TEX11: variants seen among roughly 807,000 people sequenced by gnomAD.
TEX11 encodes testis-expressed protein 11.
In TEX11, 7 loss-of-function variants were observed where a neutral mutation model predicts 84.4. The observed-to-expected ratio is 0.08, with a 90% CI of 0.05 to 0.16. The LOEUF is 0.16. Ranked by LOEUF, TEX11 falls within the 10% of genes least tolerant of loss-of-function variation. The pLI is 1.00. For synonymous variants in TEX11, 264 were observed against 222.8 expected (o/e 1.18, Z -1.64); for missense variants, 551 against 660.5 (o/e 0.83, Z 1.82).
intron 8 of TEX11, among the ~76,000 whole-genome samples, chrX:70,820,337 G>C (rs1052498671): frequency 2.7e-5 from 3 of 112,132 alleles, no homozygotes; most frequent in African/African-American, 9.7e-5. Context: ...TCTTCAGTCA[G>C]TGTTGATGGA....
At chrX:70,908,476 G>A (rs2091846464) in intron 1 of TEX11, among the ~76,000 whole-genome samples, 178 bp downstream of exon 1, 2 of 112,296 alleles carry the variant, frequency 1.8e-5, no homozygotes, top group Non-Finnish European at 1.9e-5. Flanking sequence ...CATTACATTT[G>A]CCCATCTTCG....
intron 9 of TEX11, among the ~76,000 whole-genome samples, chrX:70,746,696 T>C (rs996472182): frequency 5.4e-5 from 6 of 111,681 alleles, no homozygotes; most frequent in East Asian, 2.8e-4. Flanking sequence ...CTGAAAACAA[T>C]GGAGATCTTG....
At chrX:70,622,405 C>T (rs968061406) in intron 20 of TEX11, among the ~76,000 whole-genome samples, 2 of 112,092 alleles carry the variant, frequency 1.8e-5, no homozygotes, top group African/African-American at 6.5e-5. Context: ...GATTCCCTCC[C>T]TTACCCCATT....
At chrX:70,541,393 G>A (rs1422978237) in intron 28 of TEX11, among the ~76,000 whole-genome samples, 1 of 111,203 alleles carries the variant, frequency 9.0e-6, no homozygotes, top group Non-Finnish European at 1.9e-5. Context: ...GAATACTTGT[G>A]GTGACAGAAA....
chrX:70,849,471 A>G (rs1246095354), intron 7 of TEX11, among the ~76,000 whole-genome samples: 3 of 112,169 alleles, frequency 2.7e-5, no homozygotes, highest in African/African-American at 9.7e-5. Context: ...TAGTCTGTTC[A>G]TAGAAGATAT....
chrX:70,864,603 A>C (rs777694262), intron 4 of TEX11, among the ~76,000 whole-genome samples: 1 of 107,910 alleles, frequency 9.3e-6, no homozygotes, highest in Non-Finnish European at 1.9e-5. Context: ...TTAGCTGGGC[A>C]TGGTGGCACA....
At chrX:70,781,068 A>T (rs1569439128) in intron 9 of TEX11, among the ~76,000 whole-genome samples, 2 of 111,520 alleles carry the variant, frequency 1.8e-5, no homozygotes, top group Non-Finnish European at 3.8e-5. Context: ...GCCAACAGAC[A>T]CCTCATATAG....
chrX:70,547,662 G>GA (rs1398642487), intron 28 of TEX11, among the ~76,000 whole-genome samples: 2 of 112,103 alleles, frequency 1.8e-5, no homozygotes, highest in Non-Finnish European at 3.8e-5. Flanking sequence ...AAATACACAT[G>GA]AAAAAATGCT....
chrX:70,813,401 C>T (rs1297826080), intron 8 of TEX11, among the ~76,000 whole-genome samples: 3 of 111,563 alleles, frequency 2.7e-5, no homozygotes, highest in Non-Finnish European at 5.6e-5. Flanking sequence ...TTCAACAGCC[C>T]TTCATGCTAA....
At chrX:70,696,213 G>T (rs762105761) in intron 13 of TEX11, among the ~76,000 whole-genome samples, 1 of 111,568 alleles carries the variant, frequency 9.0e-6, no homozygotes, top group Non-Finnish European at 1.9e-5. Flanking sequence ...ATATTCATAT[G>T]TATCCTTGAA....
intron 2 of TEX11, among the ~76,000 whole-genome samples, chrX:70,890,680 G>A (rs1259235956): frequency 8.9e-6 from 1 of 112,378 alleles, no homozygotes; most frequent in Non-Finnish European, 1.9e-5. Context: ...TGAGGCTTGA[G>A]TAGGTAAACA....
chrX:70,557,851 A>G (rs181864348), intron 25 of TEX11, among the ~76,000 whole-genome samples: 1 of 112,318 alleles, frequency 8.9e-6, no homozygotes, highest in East Asian at 2.8e-4. Context: ...TTCAAAGCTT[A>G]CTAGAAAGCA....
At chrX:70,535,898 C>T (rs937859080) in intron 28 of TEX11, among the ~76,000 whole-genome samples, 2 of 110,063 alleles carry the variant, frequency 1.8e-5, no homozygotes, top group African/African-American at 6.6e-5. Flanking sequence ...TGAGCCACTC[C>T]ACCAGGCCTA....
At chrX:70,908,119 C>G (rs752485799) in intron 1 of TEX11, among the ~76,000 whole-genome samples, 1 of 111,724 alleles carries the variant, frequency 9.0e-6, no homozygotes, top group Admixed American at 9.5e-5. Flanking sequence ...CGCTACCAAC[C>G]GCACATTCAA....
intron 9 of TEX11, among the ~76,000 whole-genome samples, chrX:70,787,233 T>A: frequency 8.9e-6 from 1 of 112,113 alleles, no homozygotes; most frequent in East Asian, 2.8e-4. Context: ...CACAATAAAG[T>A]CCATATATAA....
rs774804363 is a variant in TEX11 at position 70,742,151 on chromosome X, C to CAAT, written c.748-1358_748-1356dup. Among the ~76,000 whole-genome samples, 6 of 110,427 alleles carry CAAT rather than the reference C, an allele frequency of 5.4e-5. No homozygotes were observed. The South Asian group carries it at 2.3e-3, about 42-fold the overall frequency. ...AGACCCTGTTTCAAATAGGGGTAAC[C>CAAT]AATTCCCTGATGTCCAACACCATAT... On this transcript the variant is annotated intron_variant, in intron 10 of 29. Coordinates refer to ENST00000374333, the MANE Select transcript of TEX11 (RefSeq NM_031276.3).
At chrX:70,617,467 T>TTA (rs975799949) in intron 20 of TEX11, among the ~76,000 whole-genome samples, 54 of 106,408 alleles carry the variant, frequency 5.1e-4, no homozygotes, top group Non-Finnish European at 8.3e-4. Flanking sequence ...TATATATACA[T>TTA]TATATATATA....
At chrX:70,651,674 C>T (rs2147608768) in intron 16 of TEX11, 122 bp from the exon 17 acceptor site, 1 of 434,196 alleles carries the variant, frequency 2.3e-6, no homozygotes, top group Non-Finnish European at 3.9e-6. Flanking sequence ...ATATATGAAT[C>T]TAAGAAAAAT....
chrX:70,788,973 TAGAGAGAGAGAGAG>T lies in TEX11; in HGVS notation c.692+17718_692+17731del, dbSNP rs35956435. On this transcript the variant is annotated intron_variant, in intron 9 of 29. Transcript: ENST00000374333. Reference sequence around the variant, plus strand: ...ATATATATATATATATATATATATATAGAGAGAGAGAGAGAGAGAGAGAGAGAGAGAGAGAGAGA... The same window carrying T: ...ATATATATATATATATATATATATATAGAGAGAGAGAGAGAGAGAGAGAGA... Among the ~76,000 whole-genome samples, 88 of 9,542 alleles carry T rather than the reference TAGAGAGAGAGAGAG, an allele frequency of 9.2e-3. 2 individuals are homozygous for T. The highest frequency in any genetic ancestry group is 0.027 in the African/African-American group (70 of 2,603). The allele number at this position is 9,542 out of a possible 115,157, so 8.3% of individuals were successfully genotyped here. A position where few individuals can be genotyped will look rare whatever the true frequency, so the allele number is the denominator to read the frequency against.
Sources: allele counts gnomAD v4.1 joint callset (sites outside exome capture counted in the v4.1 genomes callset), GRCh38; gene constraint gnomAD v4.1.1; transcripts MANE v1.5; gene names NCBI Gene and HGNC (gene_info 2026-07-23, HGNC 2026-07-21).